ZNF791: variants seen among roughly 807,000 people sequenced by gnomAD.
ZNF791 encodes zinc finger protein 791.
In ZNF791, 4 loss-of-function variants were observed where a neutral mutation model predicts 11.5. That is an observed-to-expected ratio of 0.35 (90% confidence interval 0.17 to 0.80). The LOEUF (loss-of-function observed/expected upper bound fraction) is 0.80, where lower values mean the gene tolerates loss of function less well. ZNF791 is among the 30% of genes least tolerant of loss of function. The pLI is 0.53. For synonymous variants in ZNF791, 212 were observed against 228.1 expected (o/e 0.93, Z 0.64); for missense variants, 559 against 699.4 (o/e 0.80, Z 2.26).
intron 3 of ZNF791, among the ~76,000 whole-genome samples, chr19:12,625,707 C>G (rs1481592716): frequency 6.7e-6 from 1 of 148,738 alleles, no homozygotes; most frequent in East Asian, 2.2e-4. Context: ...ATCACTTGAA[C>G]CTGGGAGGCA....
At chr19:12,615,910 G>T (rs1327953472) in intron 1 of ZNF791, among the ~76,000 whole-genome samples, 1 of 151,950 alleles carries the variant, frequency 6.6e-6, no homozygotes, top group Non-Finnish European at 1.5e-5. Flanking sequence ...GCAGGTTTTT[G>T]TATGAACAGT....
rs772690483 is a variant in ZNF791, at chr19:12,628,710, A to G, written c.1181A>G (p.Asn394Ser). The G allele has an allele frequency of 8.8e-6, 14 of 1,596,956 alleles. No homozygotes were observed. The highest frequency in any genetic ancestry group is 4.5e-5 in the East Asian group (2 of 44,444). The part of the protein sequence containing the change: ...YECKKCGKTF[N>S]YPLDLKIHKR... ...TGTAAAAAATGTGGGAAAACTTTCAATTATCCTCTAGATTTGAAAATCCAC... is the reference window on the plus strand; with the variant it reads ...TGTAAAAAATGTGGGAAAACTTTCAGTTATCCTCTAGATTTGAAAATCCAC... The change falls in exon 4 of 4, where the codon AAT becomes AGT. Residue 394 changes from asparagine (N) to serine (S), a missense_variant. Transcript: ENST00000343325.
intron 3 of ZNF791, among the ~76,000 whole-genome samples, chr19:12,626,516 C>A (rs2023430606): frequency 6.6e-6 from 1 of 151,730 alleles, no homozygotes; most frequent in African/African-American, 2.4e-5. Context: ...ACTCCTGACC[C>A]CAATTGATCC....
intron 1 of ZNF791, among the ~76,000 whole-genome samples, chr19:12,615,538 T>G (rs1238964654): frequency 6.6e-6 from 1 of 152,030 alleles, no homozygotes; most frequent in Admixed American, 6.6e-5. Context: ...CCCAGCTCTT[T>G]GGGAGGCCGA....
chr19:12,627,362 C>G (rs2023445344), intron 3 of ZNF791, among the ~76,000 whole-genome samples: 1 of 152,186 alleles, frequency 6.6e-6, no homozygotes, highest in Admixed American at 6.5e-5. Context: ...TGCGGTGGCT[C>G]ACGCCTGTAA....
chr19:12,627,978 A>G lies in ZNF791; in HGVS notation c.449A>G (p.His150Arg). Residue 150 changes from histidine (H) to arginine (R), a missense_variant, in exon 4 of 4, where the codon CAT (histidine) becomes CGT (arginine). His to Arg is a conservative substitution (Grantham distance 29). Transcript: ENST00000343325. ...AGTTATCTCAAATCCTTTCAAAGAC[A>G]TGAAAGGAGTCACACTGGAGAAAAA... ...AFSYLKSFQRHERSHTGEKPY... is the reference protein window; with the variant it reads ...AFSYLKSFQRRERSHTGEKPY... 3.7e-6 allele frequency: 6 copies of G among 1,614,116 alleles called. No individual in the cohort carries two copies. The highest frequency in any genetic ancestry group is 5.1e-6 in the Non-Finnish European group (6 of 1,180,006).
In ZNF791 at chr19:12,632,060, A is replaced by G. The variant is rs2023507773; in HGVS notation, c.*2800A>G. ...ACTGCAAGCTCCGCCTCCCGGGTCC[A>G]CGCCATTCTCCTGCCTCAGCCTCCC... On this transcript the variant is annotated 3_prime_UTR_variant, in exon 4 of 4. Coordinates refer to ENST00000343325, the MANE Select transcript of ZNF791 (RefSeq NM_153358.3). 1 of 151,534 alleles carries G rather than the reference A, an allele frequency of 6.6e-6. No homozygotes were observed. The highest frequency in any genetic ancestry group is 1.9e-4 in the East Asian group (1 of 5,140). The allele number at this position is 151,534 out of a possible 1,614,324, so 9.4% of individuals were successfully genotyped here.
At chr19:12,613,450 G>A (rs1326428540) in intron 1 of ZNF791, among the ~76,000 whole-genome samples, 3 of 151,946 alleles carry the variant, frequency 2.0e-5, no homozygotes, top group East Asian at 3.9e-4. Flanking sequence ...GCGTGGAGGC[G>A]GGCGCCTGTA....
At chr19:12,622,411 C>CAAAAAAA (rs370413296) in intron 1 of ZNF791, among the ~76,000 whole-genome samples, 42 of 79,460 alleles carry the variant, frequency 5.3e-4, no homozygotes, top group Non-Finnish European at 6.8e-4. Context: ...CTGTCTCAAA[C>CAAAAAAA]AAAAAAAAAA....
Position 12,610,931 on chromosome 19 carries a change from A to G in ZNF791, c.-149A>G, listed in dbSNP as rs562977395. The G allele has an allele frequency of 1.8e-6, 2 of 1,120,444 alleles. No individual in the cohort carries two copies. The highest frequency in any genetic ancestry group is 1.5e-5 in the African/African-American group (1 of 65,556). 69.4% of individuals were successfully genotyped at this position (1,120,444 alleles called of 1,614,324 possible). ...CGGCTACGCTGCGCAAATGCGTGCT[A>G]CGTCACTGTGCGATCGGGTTGTGCT... On this transcript the variant is annotated 5_prime_UTR_variant, in exon 1 of 4. Coordinates refer to ENST00000343325, the MANE Select transcript of ZNF791 (RefSeq NM_153358.3).
chr19:12,624,882 T>A (rs2023403830), intron 3 of ZNF791, among the ~76,000 whole-genome samples, 172 bp downstream of exon 3: 1 of 151,774 alleles, frequency 6.6e-6, no homozygotes, highest in African/African-American at 2.4e-5. Flanking sequence ...ACCCCGTCTC[T>A]ACTAAAAATA....
chr19:12,611,128 G>C, intron 1 of ZNF791, 46 bp downstream of exon 1: 1 of 1,611,782 alleles, frequency 6.2e-7, no homozygotes, highest in African/African-American at 1.3e-5. Flanking sequence ...GTGATCGCGG[G>C]ACCCGGGCCT....
At chr19:12,623,670 C>T (rs1279606003) in intron 1 of ZNF791, 30 bp from the exon 2 acceptor site, 1 of 1,613,148 alleles carries the variant, frequency 6.2e-7, no homozygotes, top group Non-Finnish European at 8.5e-7. Flanking sequence ...GTCAATCTCA[C>T]CTATTCTCTA....
At chr19:12,627,580 C>T (rs971184442) in intron 3 of ZNF791, 141 bp from the exon 4 acceptor site, 16 of 689,740 alleles carry the variant, frequency 2.3e-5, no homozygotes, top group Non-Finnish European at 3.0e-5. Flanking sequence ...GAGCTGAGAT[C>T]GCACCATTGC....
chr19:12,612,959 A>G (rs1276047954), intron 1 of ZNF791, among the ~76,000 whole-genome samples: 1 of 151,862 alleles, frequency 6.6e-6, no homozygotes, highest in East Asian at 1.9e-4. Context: ...AGGATGTCTG[A>G]GGTTTTAATT....
At chr19:12,619,738 C>T (rs1036662714) in intron 1 of ZNF791, among the ~76,000 whole-genome samples, 8 of 151,646 alleles carry the variant, frequency 5.3e-5, no homozygotes, top group African/African-American at 1.5e-4. Context: ...CGTGAGCCAC[C>T]GCGCCCGGCC....
intron 2 of ZNF791, 29 bp downstream of exon 2, chr19:12,623,855 C>CTTT: frequency 6.3e-5 from 32 of 509,258 alleles, no homozygotes; most frequent in South Asian, 1.1e-4. Context: ...TTTCTTTTTT[C>CTTT]TTTTTTTTTT....
rs184933155 is a variant in ZNF791 at position 12,617,887 on chromosome 19, C to T, written c.4-5813C>T. Reference sequence around the variant, plus strand: ...TTCTGAGTAGCTGGAACTACAGGTGCGTGCCACATACAGGGCTAAATTTTG... The same window carrying T: ...TTCTGAGTAGCTGGAACTACAGGTGTGTGCCACATACAGGGCTAAATTTTG... On this transcript the variant is annotated intron_variant, in intron 1 of 3. Transcript: ENST00000343325. 1.1e-4 allele frequency among the ~76,000 whole-genome samples: 15 copies of T among 137,538 alleles called. No individual in the cohort carries two copies. In the East Asian group the frequency reaches 3.1e-3, roughly 28 times the overall value. The allele number at this position is 137,538 out of a possible 152,430, so 90.2% of individuals were successfully genotyped here.
chr19:12,619,370 A>G (rs1250962126), intron 1 of ZNF791, among the ~76,000 whole-genome samples: 2 of 152,196 alleles, frequency 1.3e-5, no homozygotes, highest in African/African-American at 4.8e-5. Context: ...AAACTTAAAA[A>G]AAGTGGTGGA....
Sources: allele counts gnomAD v4.1 joint callset (sites outside exome capture counted in the v4.1 genomes callset), GRCh38; gene constraint gnomAD v4.1.1; transcripts MANE v1.5; gene names NCBI Gene and HGNC (gene_info 2026-07-23, HGNC 2026-07-21).